The following RPS6KA2 variants were observed in gnomAD, a reference collection of about 807,000 sequenced individuals.
RPS6KA2 encodes the protein ribosomal protein S6 kinase A2.
A neutral mutation model predicts 91.8 loss-of-function variants in RPS6KA2; 42 were observed. The ratio of observed to expected loss-of-function variants is 0.46; its 90% CI spans 0.36 to 0.59. RPS6KA2 has a LOEUF of 0.59. RPS6KA2 is among the 20% of genes least tolerant of loss of function. The probability of loss-of-function intolerance (pLI) is 0.00; values close to 1 mark genes in which losing one functional copy is unlikely to be tolerated. For synonymous variants in RPS6KA2, 414 were observed against 393.6 expected (o/e 1.05, Z -0.61); for missense variants, 798 against 978.5 (o/e 0.82, Z 2.46).
chr6:166,853,104 G>A (rs781675666), intron 2 of RPS6KA2, among the ~76,000 whole-genome samples: 3 of 152,224 alleles, frequency 2.0e-5, no homozygotes, highest in Non-Finnish European at 4.4e-5. Flanking sequence ...TGGTCCTATT[G>A]TTATCAATAA....
chr6:166,550,821 T>C (rs9459692), intron 1 of RPS6KA2, among the ~76,000 whole-genome samples: 70,804 of 151,346 alleles, frequency 0.47, 17,231 homozygotes, highest in Middle Eastern at 0.59. Context: ...GCTAACACGG[T>C]GAAACCCCGT....
At chr6:166,452,863 T>C (rs1158409937) in intron 12 of RPS6KA2, among the ~76,000 whole-genome samples, 1 of 152,146 alleles carries the variant, frequency 6.6e-6, no homozygotes, top group Non-Finnish European at 1.5e-5. Context: ...GAATAAATCC[T>C]AGAGAAAACT....
chr6:166,837,458 C>A (rs1388204877), intron 2 of RPS6KA2, among the ~76,000 whole-genome samples: 1 of 152,222 alleles, frequency 6.6e-6, no homozygotes, highest in African/African-American at 2.4e-5. Flanking sequence ...GCTAAGGGCT[C>A]TGTACCACAA....
In RPS6KA2 at chr6:166,563,536, A is replaced by G. The variant is rs1049688206; in HGVS notation, c.100-24752T>C. On this transcript the variant is annotated intron_variant, in intron 1 of 20. Coordinates refer to ENST00000265678, the MANE Select transcript of RPS6KA2 (RefSeq NM_021135.6). The surrounding 1 kb of genome is among the most constrained non-coding windows in gnomAD (Gnocchi z 4.1). The stretch of plus-strand genomic sequence containing the variant: ...TGAGTGCTGTGCCTGCCCCCACTCC[A>G]TCTGAGCGGCTGACCAGTCACCAGA... 6.8e-6 allele frequency among the ~76,000 whole-genome samples: 1 copy of G among 147,784 alleles called. No individual in the cohort carries two copies. The highest frequency in any genetic ancestry group is 2.5e-5 in the African/African-American group (1 of 39,702).
intron 2 of RPS6KA2, among the ~76,000 whole-genome samples, chr6:166,839,264 G>A (rs1182888586): frequency 3.3e-5 from 5 of 152,118 alleles, no homozygotes; most frequent in African/African-American, 1.2e-4. Flanking sequence ...GTTCAAAGTA[G>A]CTTCCTGCAT....
chr6:166,657,738 G>A (rs2128556256), intron 2 of RPS6KA2, among the ~76,000 whole-genome samples: 1 of 152,354 alleles, frequency 6.6e-6, no homozygotes, highest in Non-Finnish European at 1.5e-5. Context: ...ATTTGCCTCA[G>A]AGGTGCAGGC....
At chr6:166,517,537 G>T (rs1021078496) in intron 3 of RPS6KA2, among the ~76,000 whole-genome samples, 9 of 139,548 alleles carry the variant, frequency 6.4e-5, no homozygotes, top group Non-Finnish European at 1.4e-4. Flanking sequence ...CTGCAGTGGC[G>T]CAATCTCGGC....
intron 10 of RPS6KA2, among the ~76,000 whole-genome samples, chr6:166,478,127 T>C (rs939656769): frequency 6.6e-6 from 1 of 152,192 alleles, no homozygotes; most frequent in Non-Finnish European, 1.5e-5. Context: ...AGGTGGTGAC[T>C]GCGGCAGCTC....
intron 2 of RPS6KA2, among the ~76,000 whole-genome samples, chr6:166,537,888 G>T (rs564219743): frequency 1.7e-4 from 26 of 152,380 alleles, no homozygotes; most frequent in African/African-American, 6.0e-4. Flanking sequence ...AGGAGGCAGA[G>T]AAATCAGCAT....
chr6:166,741,726 A>G (rs1195405803), intron 2 of RPS6KA2, among the ~76,000 whole-genome samples: 1 of 152,228 alleles, frequency 6.6e-6, no homozygotes, highest in African/African-American at 2.4e-5. Context: ...AGTGAGGTTA[A>G]CGGAAGGGAC....
intron 16 of RPS6KA2, among the ~76,000 whole-genome samples, chr6:166,427,922 A>G (rs1299658434): frequency 6.6e-6 from 1 of 152,124 alleles, no homozygotes; most frequent in Non-Finnish European, 1.5e-5. Context: ...GCTACCAATG[A>G]CTTTCTTCAC....
At chr6:166,616,151 C>T (rs1390616089) in intron 1 of RPS6KA2, among the ~76,000 whole-genome samples, 2 of 152,116 alleles carry the variant, frequency 1.3e-5, no homozygotes, top group Admixed American at 1.3e-4. Context: ...ACCTGAGAGC[C>T]CCCCAGCACT....
chr6:166,760,239 G>C (rs1018277518), intron 2 of RPS6KA2, among the ~76,000 whole-genome samples: 2 of 152,332 alleles, frequency 1.3e-5, no homozygotes, highest in Non-Finnish European at 1.5e-5. Context: ...AGGAAGGTGG[G>C]CTCATTCTGG....
intron 2 of RPS6KA2, among the ~76,000 whole-genome samples, chr6:166,793,098 A>G (rs1330767430): frequency 6.6e-6 from 1 of 152,160 alleles, no homozygotes; most frequent in Non-Finnish European, 1.5e-5. Flanking sequence ...TTGTATATCT[A>G]GAAAACCCCA....
chr6:166,505,566 A>T (rs1475407574), intron 5 of RPS6KA2, among the ~76,000 whole-genome samples: 1 of 152,230 alleles, frequency 6.6e-6, no homozygotes, highest in Non-Finnish European at 1.5e-5. Flanking sequence ...AGACGTGAAA[A>T]ATCAGCACGC....
chr6:166,702,886 T>C, intron 2 of RPS6KA2: 1 of 794,190 alleles, frequency 1.3e-6, no homozygotes, highest in Non-Finnish European at 2.1e-6. Flanking sequence ...AAACGAAAAT[T>C]AAAACCACCC....
intron 1 of RPS6KA2, among the ~76,000 whole-genome samples, chr6:166,860,714 A>T (rs1310706399): frequency 6.6e-6 from 1 of 152,194 alleles, no homozygotes; most frequent in Non-Finnish European, 1.5e-5. Flanking sequence ...GCTGACGATG[A>T]CCAGCTGGGC....
intron 10 of RPS6KA2, among the ~76,000 whole-genome samples, chr6:166,485,491 CACA>C (rs2128471710): frequency 6.6e-6 from 1 of 152,280 alleles, no homozygotes; most frequent in Non-Finnish European, 1.5e-5. Flanking sequence ...GGATTACATC[CACA>C]TTGCTCTTAG....
chr6:166,684,511 T>C (rs1397176763), intron 2 of RPS6KA2, among the ~76,000 whole-genome samples: 1 of 152,132 alleles, frequency 6.6e-6, no homozygotes, highest in Non-Finnish European at 1.5e-5. Flanking sequence ...GCTCTTGAAT[T>C]CTCTCCTGGG....
Sources: gnomAD v4.1 joint callset for allele counts (sites outside exome capture counted in the v4.1 genomes callset) on GRCh38, gnomAD v4.1.1 for gene constraint, Gnocchi (gnomAD v3.1) non-coding constraint, MANE v1.5 for transcripts, NCBI Gene and HGNC (gene_info 2026-07-23, HGNC 2026-07-21) for gene names.